PHF24: variants seen among roughly 807,000 people sequenced by gnomAD.
The protein encoded by PHF24 is Galpha inhibitory interacting protein.
A neutral mutation model predicts 42.6 loss-of-function variants in PHF24; 25 were observed. That is an observed-to-expected ratio of 0.59 (90% CI 0.43 to 0.82). PHF24 has a LOEUF of 0.82. PHF24 is among the 40% of genes least tolerant of loss of function. The pLI is 0.00. For synonymous variants in PHF24, 185 were observed against 204.8 expected (o/e 0.90, Z 0.83); for missense variants, 470 against 538.1 (o/e 0.87, Z 1.25).
At chr9:34,918,868 C>T in the PHF24 span, among the ~76,000 whole-genome samples, 272 of 152,286 alleles carry the variant, frequency 1.8e-3, 1 homozygote, top group African/African-American at 5.9e-3. Context: ...TCCCACACTA[C>T]TGTGAAAAGT....
the PHF24 span, among the ~76,000 whole-genome samples, chr9:34,685,898 A>G: frequency 6.6e-6 from 1 of 152,196 alleles, no homozygotes; most frequent in Non-Finnish European, 1.5e-5. Flanking sequence ...GGTATGTGTA[A>G]TAGTTCAGAG....
chr9:34,902,235 T>C, the PHF24 span, among the ~76,000 whole-genome samples: 1 of 152,216 alleles, frequency 6.6e-6, no homozygotes, highest in African/African-American at 2.4e-5. Context: ...GAATTTATAT[T>C]CTTATTCTTG....
chr9:34,665,656 A>G, the PHF24 span: 13 of 700,678 alleles, frequency 1.9e-5, no homozygotes, highest in Non-Finnish European at 3.1e-5. Context: ...CTCATTCCCG[A>G]CATGTCCTGG....
chr9:34,714,602 G>T, the PHF24 span, among the ~76,000 whole-genome samples: 1 of 152,180 alleles, frequency 6.6e-6, no homozygotes, highest in African/African-American at 2.4e-5. Context: ...GTGGGGTGGG[G>T]CTGGGAGAGC....
chr9:34,904,005 C>T, the PHF24 span, among the ~76,000 whole-genome samples: 9 of 152,168 alleles, frequency 5.9e-5, no homozygotes, highest in Non-Finnish European at 7.4e-5. Flanking sequence ...TGTATAGAAG[C>T]GTTACTGATT....
chr9:34,810,881 C>T, the PHF24 span, among the ~76,000 whole-genome samples: 5 of 152,146 alleles, frequency 3.3e-5, no homozygotes, highest in South Asian at 2.1e-4. Context: ...AAGCGGGGGA[C>T]GAGGACAAGT....
chr9:34,746,784 A>G, the PHF24 span, among the ~76,000 whole-genome samples: 4 of 152,066 alleles, frequency 2.6e-5, no homozygotes, highest in African/African-American at 9.7e-5. Context: ...ACCTTTTTAT[A>G]CCCTCTTATT....
chr9:34,767,691 C>T, the PHF24 span, among the ~76,000 whole-genome samples: 4 of 152,230 alleles, frequency 2.6e-5, no homozygotes, highest in South Asian at 2.1e-4. Context: ...CTTCGGCTCG[C>T]GCATGGTGCG....
At chr9:34,881,899 G>A in the PHF24 span, among the ~76,000 whole-genome samples, 6 of 152,112 alleles carry the variant, frequency 3.9e-5, no homozygotes, top group African/African-American at 7.2e-5. Flanking sequence ...GCCTGACAGC[G>A]ACACAACAAA....
At chr9:34,835,849 T>C in the PHF24 span, 2 of 1,291,748 alleles carry the variant, frequency 1.5e-6, no homozygotes, top group Non-Finnish European at 2.2e-6. Context: ...CTCTATACTC[T>C]GCTCAAAGGA....
At chr9:34,819,076 T>G in the PHF24 span, among the ~76,000 whole-genome samples, 1 of 152,158 alleles carries the variant, frequency 6.6e-6, no homozygotes, top group African/African-American at 2.4e-5. Flanking sequence ...GTTAAATTTG[T>G]TGGCATAAAG....
the PHF24 span, chr9:34,723,345 G>A: frequency 9.0e-6 from 14 of 1,551,592 alleles, no homozygotes; most frequent in South Asian, 1.2e-5. Flanking sequence ...TGTAGCCGGA[G>A]CTTATCGTCT....
the PHF24 span, chr9:34,728,005 A>C: frequency 1.3e-6 from 2 of 1,551,026 alleles, no homozygotes; most frequent in East Asian, 2.4e-5. Context: ...GATAGAGTGC[A>C]AAGAGCAATA....
chr9:34,709,830 G>T, the PHF24 span: 1 of 1,614,218 alleles, frequency 6.2e-7, no homozygotes, highest in Non-Finnish European at 8.5e-7. Flanking sequence ...GGTAGCTGCG[G>T]ACAACCTTGG....
chr9:34,939,369 A>G, the PHF24 span, among the ~76,000 whole-genome samples: 1 of 152,252 alleles, frequency 6.6e-6, no homozygotes, highest in Non-Finnish European at 1.5e-5. Flanking sequence ...GAATCGGTGT[A>G]GACTTGCAGG....
At chr9:34,787,388 C>A in the PHF24 span, among the ~76,000 whole-genome samples, 1 of 151,890 alleles carries the variant, frequency 6.6e-6, no homozygotes, top group African/African-American at 2.4e-5. Context: ...GATTGGGAAA[C>A]TGCATCCCAA....
chr9:34,880,762 G>A, the PHF24 span, among the ~76,000 whole-genome samples: 9 of 151,902 alleles, frequency 5.9e-5, no homozygotes, highest in African/African-American at 1.5e-4. Context: ...ATAATGGGAG[G>A]CTTTAACACC....
the PHF24 span, among the ~76,000 whole-genome samples, chr9:34,767,022 C>T: frequency 1.3e-5 from 2 of 152,162 alleles, no homozygotes; most frequent in Non-Finnish European, 2.9e-5. Flanking sequence ...AGTGGATTTT[C>T]GTGAACCGCG....
chr9:34,913,584 A>G, the PHF24 span, among the ~76,000 whole-genome samples: 1 of 152,240 alleles, frequency 6.6e-6, no homozygotes, highest in South Asian at 2.1e-4. Context: ...AATTAAACCT[A>G]GCAAAGTTTA....
Sources: gnomAD v4.1 joint callset for allele counts (sites outside exome capture counted in the v4.1 genomes callset) on GRCh38, gnomAD v4.1.1 for gene constraint, MANE v1.5 for transcripts, NCBI Gene and HGNC (gene_info 2026-07-23, HGNC 2026-07-21) for gene names.